The following MBD3L1 variants were observed in gnomAD, a reference collection of about 807,000 sequenced individuals.
MBD3L1 encodes methyl-CpG binding domain protein 3 like 1, also known as methyl-CpG-binding domain protein 3-like 1.
For missense variants in MBD3L1, 203 were observed against 230.1 expected, an observed-to-expected ratio of 0.88 and a Z score of 0.76; for synonymous variants, 84 against 85.1, an observed-to-expected ratio of 0.99 and a Z score of 0.07.
chr19:8,836,546 C>T (rs1333543232), intron 1 of MBD3L1, among the ~76,000 whole-genome samples: 1 of 151,626 alleles, frequency 6.6e-6, no homozygotes, highest in Non-Finnish European at 1.5e-5. Flanking sequence ...GGCTGGAGTG[C>T]AGTGGTGCAA....
intron 1 of MBD3L1, among the ~76,000 whole-genome samples, chr19:8,835,936 A>G (rs1363483696): frequency 6.6e-6 from 1 of 152,224 alleles, no homozygotes; most frequent in African/African-American, 2.4e-5. Context: ...TGTATAATTC[A>G]ATTTAAATAA....
chr19:8,839,775 T>C (rs1018145746), intron 1 of MBD3L1, among the ~76,000 whole-genome samples: 33 of 152,050 alleles, frequency 2.2e-4, no homozygotes, highest in Non-Finnish European at 4.6e-4. Flanking sequence ...GGTTCATAGC[T>C]AAGGGGAAGG....
chr19:8,842,597 T>C, intron 2 of MBD3L1, 61 bp from the exon 3 acceptor site: 1 of 1,234,598 alleles, frequency 8.1e-7, no homozygotes, highest in South Asian at 1.4e-5. Context: ...CTGAGATCCT[T>C]GTCCTGAGAA....
chr19:8,840,397 G>A (rs2044500108), intron 1 of MBD3L1, among the ~76,000 whole-genome samples: 1 of 152,170 alleles, frequency 6.6e-6, no homozygotes. Context: ...GACCTCCTGG[G>A]CTCAAGCTAT....
At chr19:8,838,252 CAAA>C (rs542318207) in intron 1 of MBD3L1, among the ~76,000 whole-genome samples, 129 of 11,796 alleles carry the variant, frequency 0.011, no homozygotes, top group African/African-American at 0.029. Context: ...GACTCCATCT[CAAA>C]AAAAAAAAAA....
chr19:8,841,234 G>A (rs1025462294), intron 2 of MBD3L1, among the ~76,000 whole-genome samples: 3 of 148,160 alleles, frequency 2.0e-5, no homozygotes, highest in Non-Finnish European at 4.5e-5. Context: ...GTTTCACCAT[G>A]TTGGCCAGCC....
intron 2 of MBD3L1, 109 bp from the exon 3 acceptor site, chr19:8,842,549 C>T (rs2044523951): frequency 1.3e-6 from 1 of 775,638 alleles, no homozygotes; most frequent in South Asian, 1.9e-5. Flanking sequence ...TCAGACCTAT[C>T]CCCAGAGGGA....
intron 1 of MBD3L1, among the ~76,000 whole-genome samples, chr19:8,836,810 TC>T (rs1237081131): frequency 6.6e-6 from 1 of 152,216 alleles, no homozygotes; most frequent in Non-Finnish European, 1.5e-5. Flanking sequence ...ATCTTAATTT[TC>T]CACACCATCA....
Position 8,843,205 on chromosome 19 carries a change from G to A in MBD3L1, c.527G>A (p.Gly176Glu). The A allele has an allele frequency of 6.2e-7, 1 of 1,612,080 alleles. No individual in the cohort carries two copies. The highest frequency in any genetic ancestry group is 8.5e-7 in the Non-Finnish European group (1 of 1,179,182). Reference sequence around the variant, plus strand: ...CTCGCAATAGCACTGATTGCGGATGGACTCGCTAATGAGGCAGAGAAAGTG... The same window carrying A: ...CTCGCAATAGCACTGATTGCGGATGAACTCGCTAATGAGGCAGAGAAAGTG... The part of the protein sequence containing the change: ...ERLAIALIAD[G>E]LANEAEKVRD... The change falls in exon 3 of 3, where the codon GGA becomes GAA. Residue 176 changes from glycine to glutamate, a missense_variant. By Grantham distance (98) the Gly-to-Glu change is moderately conservative. Transcript: ENST00000595891.
At chr19:8,842,158 G>A (rs900329810) in intron 2 of MBD3L1, among the ~76,000 whole-genome samples, 2 of 151,828 alleles carry the variant, frequency 1.3e-5, no homozygotes, top group African/African-American at 2.4e-5. Flanking sequence ...GTGAAACCTC[G>A]TCTCTACAAA....
At chr19:8,840,012 T>G (rs1017651897) in intron 1 of MBD3L1, among the ~76,000 whole-genome samples, 1 of 151,934 alleles carries the variant, frequency 6.6e-6, no homozygotes, top group Non-Finnish European at 1.5e-5. Context: ...CGAAACCCCA[T>G]CGCTACTAAA....
intron 1 of MBD3L1, among the ~76,000 whole-genome samples, chr19:8,835,048 G>GTT (rs777643019): frequency 2.0e-4 from 29 of 142,234 alleles, no homozygotes; most frequent in Admixed American, 2.1e-4. Flanking sequence ...TGAACAAAGA[G>GTT]TTTTTTTTTT....
chr19:8,835,558 G>T (rs2044446586), intron 1 of MBD3L1, among the ~76,000 whole-genome samples: 1 of 152,104 alleles, frequency 6.6e-6, no homozygotes, highest in African/African-American at 2.4e-5. Context: ...GGAGAAATTG[G>T]AATTCTTATA....
intron 1 of MBD3L1, among the ~76,000 whole-genome samples, chr19:8,835,557 G>A (rs1423275551): frequency 6.6e-6 from 1 of 152,152 alleles, no homozygotes; most frequent in African/African-American, 2.4e-5. Context: ...AGGAGAAATT[G>A]GAATTCTTAT....
At chr19:8,834,960 G>T (rs1031581481) in intron 1 of MBD3L1, among the ~76,000 whole-genome samples, 5 of 151,658 alleles carry the variant, frequency 3.3e-5, no homozygotes, top group African/African-American at 1.2e-4. Flanking sequence ...ATTTACAAAT[G>T]ATTTATCTGA....
At chr19:8,833,197 A>G (rs1430848528) in intron 1 of MBD3L1, 2 of 152,212 alleles carry the variant, frequency 1.3e-5, no homozygotes, top group African/African-American at 4.8e-5. Flanking sequence ...TTGGATCCCT[A>G]GATTGTTGAT....
At chr19:8,837,617 C>T (rs1440432352) in intron 1 of MBD3L1, among the ~76,000 whole-genome samples, 1 of 152,118 alleles carries the variant, frequency 6.6e-6, no homozygotes, top group Non-Finnish European at 1.5e-5. Flanking sequence ...TTGCCTCAAG[C>T]CTTGTGACAG....
intron 1 of MBD3L1, among the ~76,000 whole-genome samples, chr19:8,837,650 C>T (rs1462269699): frequency 6.6e-6 from 1 of 152,176 alleles, no homozygotes; most frequent in Admixed American, 6.5e-5. Context: ...TCACCCTTCA[C>T]ACTGGCCTCA....
Position 8,843,073 on chromosome 19 carries a change from T to C in MBD3L1, c.395T>C (p.Ile132Thr), listed in dbSNP as rs367887883. The C allele has an allele frequency of 5.0e-5, 81 of 1,613,946 alleles. No individual in the cohort carries two copies. Among genetic ancestry groups the C allele is most frequent in the Non-Finnish European group, 6.7e-5 (79 of 1,180,002 alleles). ...TGCTCTTCAGATGCGGTGGAGATAA[T>C]TCCTGCAGAGGGAGTGGGTATCTCG... is the stretch of plus-strand genomic sequence containing the variant. Reference protein sequence around the residue: ...LACSSDAVEIIPAEGVGISQL... With the variant: ...LACSSDAVEITPAEGVGISQL... Residue 132 changes from isoleucine (I) to threonine (T), a missense_variant, in exon 3 of 3, where the codon ATT (isoleucine) becomes ACT (threonine). Physicochemically the swap from Ile to Thr is moderately conservative, Grantham distance 89. Coordinates refer to ENST00000595891, the MANE Select transcript of MBD3L1 (RefSeq NM_001393532.1).
Sources: allele counts gnomAD v4.1 joint callset (sites outside exome capture counted in the v4.1 genomes callset), GRCh38; gene constraint gnomAD v4.1.1; transcripts MANE v1.5; gene names NCBI Gene and HGNC (gene_info 2026-07-23, HGNC 2026-07-21).